Variants in HSF5 observed in about 807,000 individuals in gnomAD.
The protein encoded by HSF5 is heat shock transcription factor 5, also known as heat shock factor protein 5.
Under a neutral mutation model 50.8 loss-of-function variants are expected in HSF5, and 5 were observed. The ratio of observed to expected loss-of-function variants is 0.10; its 90% CI spans 0.05 to 0.21. The LOEUF is 0.21. Ranked by LOEUF, HSF5 falls within the 10% of genes least tolerant of loss-of-function variation. The pLI, the probability that HSF5 is intolerant of heterozygous loss-of-function variation, is 1.00. For missense variants in HSF5, 564 were observed against 762.6 expected (o/e 0.74, Z 3.07); for synonymous variants, 307 against 307.4 (o/e 1.00, Z 0.02).
At chr17:58,471,448 G>T (rs141233111) in intron 2 of HSF5, among the ~76,000 whole-genome samples, 1 of 152,058 alleles carries the variant, frequency 6.6e-6, no homozygotes, top group African/African-American at 2.4e-5. Flanking sequence ...AGGATTAGAA[G>T]CATAAAGATC....
Position 58,463,280 on chromosome 17 carries a change from A to G in HSF5, c.1044T>C (p.Tyr348=), listed in dbSNP as rs750421686. The part of the protein sequence containing the change: ...YFQNPSMQSS[Y]PVEFLPSNWP... ...AATTGGAAGGCAAAAATTCAACTGG[A>G]TAGGAGGACTGCATTGAAGGATTCT... Residue 348 remains tyrosine (Y), a synonymous_variant, in exon 4 of 6, where the codon TAT becomes TAC. Transcript: ENST00000323777. 3 of 1,613,322 alleles carry G rather than the reference A, an allele frequency of 1.9e-6. No individual in the cohort carries two copies. Among genetic ancestry groups the G allele is most frequent in the African/African-American group, 2.7e-5 (2 of 74,904 alleles).
Position 58,488,224 on chromosome 17 carries a change from CT to C in HSF5, c.50del (p.Lys17SerfsTer6). ...TPINPNNFPA[K>X]LWRLVNSPRY... ...GCGGGCTGTTCACCAGGCGCCACAGCTTGGCGGGGAAGTTGTTGGGGTTGAT... is the reference window on the plus strand; with the variant it reads ...GCGGGCTGTTCACCAGGCGCCACAGCTGGCGGGGAAGTTGTTGGGGTTGAT... On this transcript the variant is annotated frameshift_variant, in exon 1 of 6. Coordinates refer to ENST00000323777, the MANE Select transcript of HSF5 (RefSeq NM_001080439.3). LOFTEE classifies it high-confidence loss of function. The surrounding 1 kb of genome is among the most constrained non-coding windows in gnomAD (Gnocchi z 4.1). 1 of 1,517,034 alleles carries C rather than the reference CT, an allele frequency of 6.6e-7. No individual in the cohort carries two copies. The highest frequency in any genetic ancestry group is 8.7e-7 in the Non-Finnish European group (1 of 1,146,000). 94.0% of individuals were successfully genotyped at this position (1,517,034 alleles called of 1,614,324 possible).
intron 5 of HSF5, among the ~76,000 whole-genome samples, chr17:58,425,575 CAAAAAAAAA>C (rs66502039): frequency 5.8e-4 from 19 of 32,986 alleles, no homozygotes; most frequent in African/African-American, 2.4e-3. Flanking sequence ...ACCTCTATCT[CAAAAAAAAA>C]AAAAAAAAAA....
intron 2 of HSF5, chr17:58,476,226 T>A: frequency 1.1e-6 from 1 of 905,196 alleles, no homozygotes; most frequent in Non-Finnish European, 1.8e-6. Context: ...TATCTTCTAA[T>A]CCTTCCTTCT....
In HSF5 at chr17:58,466,823, T is replaced by G. The variant is rs183289488; in HGVS notation, c.1020+62A>C. ...TAATATAAAATTACACTTTGAAATT[T>G]TGCAATATCGATAAAATTGCACATA... On this transcript the variant is annotated intron_variant, in intron 3 of 5. Transcript: ENST00000323777. 4.1e-5 allele frequency: 39 copies of G among 961,206 alleles called. 1 individual carries two copies. Among genetic ancestry groups the G allele is most frequent in the Admixed American group, 3.1e-4 (18 of 57,736 alleles). 59.5% of individuals were successfully genotyped at this position (961,206 alleles called of 1,614,324 possible). A position where few individuals can be genotyped will look rare whatever the true frequency, so the allele number is the denominator to read the frequency against.
At chr17:58,443,878 T>A (rs1411545941) in intron 5 of HSF5, among the ~76,000 whole-genome samples, 1 of 152,126 alleles carries the variant, frequency 6.6e-6, no homozygotes, top group Non-Finnish European at 1.5e-5. Context: ...GGGAACAGTA[T>A]GGGGAGGTAG....
At chr17:58,472,989 T>C (rs556009415) in intron 2 of HSF5, among the ~76,000 whole-genome samples, 2 of 151,934 alleles carry the variant, frequency 1.3e-5, no homozygotes, top group Non-Finnish European at 2.9e-5. Context: ...AGAAAAAAAT[T>C]ATCTCAAAAA....
At chr17:58,486,791 T>C (rs1192320959) in intron 1 of HSF5, among the ~76,000 whole-genome samples, 2 of 152,226 alleles carry the variant, frequency 1.3e-5, no homozygotes, top group Non-Finnish European at 2.9e-5. Flanking sequence ...TAAGATTTCT[T>C]AGATGTGCCA....
At chr17:58,443,053 G>A (rs1382190584) in intron 5 of HSF5, among the ~76,000 whole-genome samples, 4 of 151,870 alleles carry the variant, frequency 2.6e-5, no homozygotes, top group East Asian at 1.9e-4. Context: ...GACTACAGGC[G>A]CCCACCACCA....
intron 3 of HSF5, among the ~76,000 whole-genome samples, chr17:58,465,094 G>A (rs1214421323): frequency 6.6e-6 from 1 of 150,506 alleles, no homozygotes; most frequent in Non-Finnish European, 1.5e-5. Flanking sequence ...AGGACAAAAG[G>A]TGCATGCACC....
intron 1 of HSF5, among the ~76,000 whole-genome samples, chr17:58,481,749 C>T (rs1181680100): frequency 1.3e-5 from 2 of 152,232 alleles, no homozygotes; most frequent in Non-Finnish European, 2.9e-5. Context: ...CCTGTAATCC[C>T]AGCACTTTGG....
chr17:58,468,199 A>G (rs544763307), intron 2 of HSF5, among the ~76,000 whole-genome samples: 94 of 152,248 alleles, frequency 6.2e-4, no homozygotes, highest in African/African-American at 2.2e-3. Context: ...GGAGTTTGAG[A>G]CCAGCCTAGG....
chr17:58,460,014 T>C (rs1481428557), intron 4 of HSF5, among the ~76,000 whole-genome samples: 1 of 151,802 alleles, frequency 6.6e-6, no homozygotes, highest in Non-Finnish European at 1.5e-5. Context: ...GCCCTGTTTA[T>C]AAAATACAAA....
At chr17:58,465,604 C>G (rs555641875) in intron 3 of HSF5, among the ~76,000 whole-genome samples, 145 of 137,206 alleles carry the variant, frequency 1.1e-3, no homozygotes, top group African/African-American at 3.9e-3. Flanking sequence ...TATAATTTGA[C>G]TTCCTATGTA....
intron 1 of HSF5, among the ~76,000 whole-genome samples, chr17:58,484,121 C>A (rs937919924): frequency 6.0e-5 from 9 of 151,058 alleles, no homozygotes; most frequent in African/African-American, 2.2e-4. Flanking sequence ...ACCAGTAACA[C>A]AATTCCCTAG....
rs1975227506 is a variant in HSF5 at position 58,488,384 on chromosome 17, C to T, written c.-110G>A. ...CCCGCTCCTGCCGGCGCCCATCCGC[C>T]GCGTACCAGGGACCGTTGGCGCACG... On this transcript the variant is annotated 5_prime_UTR_variant, in exon 1 of 6. Coordinates refer to ENST00000323777, the MANE Select transcript of HSF5 (RefSeq NM_001080439.3). The surrounding 1 kb of genome is among the most constrained non-coding windows in gnomAD (Gnocchi z 4.1). The T allele has an allele frequency of 7.6e-7, 1 of 1,318,482 alleles. No individual in the cohort carries two copies. The highest frequency in any genetic ancestry group is 9.6e-7 in the Non-Finnish European group (1 of 1,040,756). 81.7% of individuals were successfully genotyped at this position (1,318,482 alleles called of 1,614,324 possible). A position where few individuals can be genotyped will look rare whatever the true frequency, so the allele number is the denominator to read the frequency against.
chr17:58,466,652 T>C (rs1480461762), intron 3 of HSF5, among the ~76,000 whole-genome samples: 1 of 152,230 alleles, frequency 6.6e-6, no homozygotes, highest in East Asian at 1.9e-4. Flanking sequence ...TTAGCTTAAA[T>C]AGCCACATGT....
intron 2 of HSF5, among the ~76,000 whole-genome samples, chr17:58,467,609 A>C (rs920722827): frequency 3.9e-5 from 6 of 152,258 alleles, no homozygotes; most frequent in African/African-American, 1.4e-4. Context: ...CTATTAAAAT[A>C]GAGATAATAA....
intron 5 of HSF5, among the ~76,000 whole-genome samples, chr17:58,439,783 T>C (rs1172153483): frequency 6.6e-6 from 1 of 152,148 alleles, no homozygotes; most frequent in Non-Finnish European, 1.5e-5. Flanking sequence ...CATGCCCAAC[T>C]GGAAATTATA....
Sources: allele counts gnomAD v4.1 joint callset (sites outside exome capture counted in the v4.1 genomes callset), GRCh38; gene constraint gnomAD v4.1.1; non-coding constraint Gnocchi (gnomAD v3.1); transcripts MANE v1.5; gene names NCBI Gene and HGNC (gene_info 2026-07-23, HGNC 2026-07-21).